Variants in CCSER1 observed in about 807,000 individuals in gnomAD.
CCSER1 encodes the protein serine-rich coiled-coil domain-containing protein 1.
A neutral mutation model predicts 82.0 loss-of-function variants in CCSER1; 41 were observed. The ratio of observed to expected loss-of-function variants is 0.50; its 90% CI spans 0.39 to 0.65. The LOEUF (loss-of-function observed/expected upper bound fraction) is 0.65, where lower values mean the gene tolerates loss of function less well. Ranked by LOEUF, CCSER1 falls within the 30% of genes least tolerant of loss-of-function variation. The pLI, the probability that CCSER1 is intolerant of heterozygous loss-of-function variation, is 0.00. For synonymous variants in CCSER1, 414 were observed against 383.9 expected (o/e 1.08, Z -0.92); for missense variants, 1,119 against 1,064.2 (o/e 1.05, Z -0.72).
intron 10 of CCSER1, among the ~76,000 whole-genome samples, chr4:91,583,939 C>T (rs1763860626): frequency 6.6e-6 from 1 of 151,380 alleles, no homozygotes; most frequent in Non-Finnish European, 1.5e-5. Flanking sequence ...TGTTTTGAAA[C>T]ATTCTGGATA....
intron 5 of CCSER1, among the ~76,000 whole-genome samples, chr4:90,612,220 A>G (rs1170810231): frequency 6.6e-6 from 1 of 152,188 alleles, no homozygotes; most frequent in Non-Finnish European, 1.5e-5. Flanking sequence ...GTTTATAGAA[A>G]AGTTTTAGAG....
intron 5 of CCSER1, among the ~76,000 whole-genome samples, chr4:90,491,023 G>T (rs866080411): frequency 1.4e-4 from 21 of 152,110 alleles, no homozygotes; most frequent in Middle Eastern, 3.4e-3. Flanking sequence ...TGGTTCCATA[G>T]GAACTTTAAA....
chr4:90,262,783 C>A (rs59105635), intron 1 of CCSER1, among the ~76,000 whole-genome samples: 277 of 152,228 alleles, frequency 1.8e-3, no homozygotes, highest in African/African-American at 6.5e-3. Flanking sequence ...ACTCCTGCCC[C>A]TGTGTTCTGG....
intron 8 of CCSER1, among the ~76,000 whole-genome samples, chr4:90,873,166 C>A (rs1337909044): frequency 6.6e-6 from 1 of 151,884 alleles, no homozygotes; most frequent in Non-Finnish European, 1.5e-5. Context: ...AACTTTCTAC[C>A]CCGATCTCTC....
chr4:91,083,821 A>G (rs556144472), intron 9 of CCSER1, among the ~76,000 whole-genome samples: 1 of 152,280 alleles, frequency 6.6e-6, no homozygotes, highest in South Asian at 2.1e-4. Flanking sequence ...CCAAGAGAAA[A>G]GGAGGTTTTA....
chr4:90,975,283 G>A (rs1448590806), intron 9 of CCSER1, among the ~76,000 whole-genome samples: 1 of 151,176 alleles, frequency 6.6e-6, no homozygotes, highest in Non-Finnish European at 1.5e-5. Flanking sequence ...CTTAGAATTA[G>A]ATAGCGGTTA....
Position 91,022,696 on chromosome 4 carries a change from G to A in CCSER1, c.2173-63254G>A, listed in dbSNP as rs532432062. Among the ~76,000 whole-genome samples, 540 of 152,222 alleles carry A rather than the reference G, an allele frequency of 3.5e-3. 5 individuals are homozygous for A. The highest frequency in any genetic ancestry group is 0.012 in the African/African-American group (510 of 41,536). ...GTTGTTTCCTGACTTTTTAATGATC[G>A]CCATTCTAACTGGTGTGAAATGATA... On this transcript the variant is annotated intron_variant, in intron 9 of 10. Transcript: ENST00000509176.
intron 7 of CCSER1, among the ~76,000 whole-genome samples, chr4:90,724,366 G>A (rs1388904048): frequency 6.6e-6 from 1 of 151,910 alleles, no homozygotes; most frequent in African/African-American, 2.4e-5. Flanking sequence ...CATTAGCAAT[G>A]CTAGGTTACC....
At chr4:90,849,450 G>C (rs777847482) in intron 8 of CCSER1, among the ~76,000 whole-genome samples, 1 of 152,230 alleles carries the variant, frequency 6.6e-6, no homozygotes, top group South Asian at 2.1e-4. Context: ...CAAGAGAAAG[G>C]AGAGCATAAA....
At chr4:91,269,277 T>G (rs143752467) in intron 10 of CCSER1, among the ~76,000 whole-genome samples, 4 of 152,350 alleles carry the variant, frequency 2.6e-5, no homozygotes, top group African/African-American at 4.8e-5. Flanking sequence ...AGCAAAAATC[T>G]AAATAAGCAC....
chr4:91,252,083 A>C (rs1740300747), intron 10 of CCSER1, among the ~76,000 whole-genome samples: 1 of 152,216 alleles, frequency 6.6e-6, no homozygotes, highest in Non-Finnish European at 1.5e-5. Flanking sequence ...ATCAAGAGAA[A>C]AGCAATTTAT....
At chr4:90,179,629 C>T (rs552484790) in intron 1 of CCSER1, among the ~76,000 whole-genome samples, 3 of 152,306 alleles carry the variant, frequency 2.0e-5, no homozygotes, top group Admixed American at 2.0e-4. Flanking sequence ...GAGATCCTCT[C>T]AATTTGGCCT....
chr4:91,204,932 T>G (rs1188470785), intron 10 of CCSER1, among the ~76,000 whole-genome samples: 1 of 151,696 alleles, frequency 6.6e-6, no homozygotes, highest in Non-Finnish European at 1.5e-5. Flanking sequence ...TAAGTAACAA[T>G]AAAATGCAGC....
intron 6 of CCSER1, among the ~76,000 whole-genome samples, chr4:90,634,863 A>T (rs1725134893): frequency 6.6e-6 from 1 of 151,874 alleles, no homozygotes; most frequent in Admixed American, 6.6e-5. Flanking sequence ...GTCCAGAAAT[A>T]TGTTTAAGGA....
intron 1 of CCSER1, among the ~76,000 whole-genome samples, chr4:90,133,059 CTG>C (rs1183528560): frequency 6.6e-6 from 1 of 152,132 alleles, no homozygotes; most frequent in Non-Finnish European, 1.5e-5. Flanking sequence ...GTGGGGTTCT[CTG>C]TGTGATTCTT....
intron 9 of CCSER1, among the ~76,000 whole-genome samples, chr4:90,956,642 A>T (rs1733459586): frequency 6.6e-6 from 1 of 152,146 alleles, no homozygotes; most frequent in African/African-American, 2.4e-5. Context: ...TCTTATGGAG[A>T]GAAATATGTA....
At chr4:91,354,924 C>T (rs1041293173) in intron 10 of CCSER1, among the ~76,000 whole-genome samples, 2 of 152,126 alleles carry the variant, frequency 1.3e-5, no homozygotes, top group African/African-American at 2.4e-5. Flanking sequence ...TTCTGGAGAG[C>T]GTATTTGAAC....
chr4:90,466,059 G>A (rs560203059), intron 4 of CCSER1, among the ~76,000 whole-genome samples: 2 of 152,272 alleles, frequency 1.3e-5, no homozygotes, highest in South Asian at 4.1e-4. Context: ...AAGATGACAC[G>A]TGACTCCAGC....
intron 8 of CCSER1, among the ~76,000 whole-genome samples, chr4:90,906,576 G>A (rs1400704647): frequency 6.6e-6 from 1 of 152,006 alleles, no homozygotes; most frequent in Non-Finnish European, 1.5e-5. Flanking sequence ...AAAATAAAAT[G>A]CTCACAATCT....
Sources: allele counts gnomAD v4.1 joint callset (sites outside exome capture counted in the v4.1 genomes callset), GRCh38; gene constraint gnomAD v4.1.1; transcripts MANE v1.5; gene names NCBI Gene and HGNC (gene_info 2026-07-23, HGNC 2026-07-21).